GUCY1A2: variants seen among roughly 807,000 people sequenced by gnomAD.
GUCY1A2 encodes guanylate cyclase soluble subunit alpha-2.
Under a neutral mutation model 63.5 loss-of-function variants are expected in GUCY1A2, and 27 were observed. The ratio of observed to expected loss-of-function variants is 0.43; its 90% CI spans 0.31 to 0.59. The LOEUF (loss-of-function observed/expected upper bound fraction) is 0.59, where lower values mean the gene tolerates loss of function less well. Ranked by LOEUF, GUCY1A2 falls within the 20% of genes least tolerant of loss-of-function variation. GUCY1A2 has a pLI of 0.11. For synonymous variants in GUCY1A2, 364 were observed against 343.5 expected (o/e 1.06, Z -0.66); for missense variants, 768 against 913.3 (o/e 0.84, Z 2.05).
rs139118381 is a variant in GUCY1A2, at chr11:106,823,096, G to GA, written c.1207-12619dup. Among the ~76,000 whole-genome samples, 829 of 150,912 alleles carry GA rather than the reference G, an allele frequency of 5.5e-3. 2 individuals are homozygous for GA. Among genetic ancestry groups the GA allele is most frequent in the South Asian group, 0.012 (57 of 4,774 alleles). ...TAAAAACAATCACTTATTTTCTTCTGAAAAAAAAATGTAGATTCAGGGGGA... is the reference window on the plus strand; with the variant it reads ...TAAAAACAATCACTTATTTTCTTCTGAAAAAAAAAATGTAGATTCAGGGGGA... On this transcript the variant is annotated intron_variant, in intron 4 of 7. Transcript: ENST00000526355.
intron 1 of GUCY1A2, among the ~76,000 whole-genome samples, chr11:106,998,727 G>A (rs1861572919): frequency 6.6e-6 from 1 of 151,438 alleles, no homozygotes; most frequent in Admixed American, 6.6e-5. Context: ...TAAAACATAA[G>A]GACAACATCA....
rs953710775 is a variant in GUCY1A2 at position 106,826,684 on chromosome 11, C to T, written c.1207-16206G>A. ...TGTCACATGAGCAAACAGTTCAAAG[C>T]TGAAATCCATGTCAATAGAGTCTCC... On this transcript the variant is annotated intron_variant, in intron 4 of 7. Coordinates refer to ENST00000526355, the MANE Select transcript of GUCY1A2 (RefSeq NM_000855.3). The T allele has an allele frequency of 7.5e-6, 12 of 1,609,304 alleles. No homozygotes were observed. The African/African-American group carries it at 1.3e-4, about 18-fold the overall frequency.
chr11:106,751,419 G>T (rs1365313795), intron 6 of GUCY1A2, among the ~76,000 whole-genome samples: 1 of 151,968 alleles, frequency 6.6e-6, no homozygotes, highest in Non-Finnish European at 1.5e-5. Flanking sequence ...ATTCTCCTGT[G>T]GTTACTATCA....
intron 3 of GUCY1A2, among the ~76,000 whole-genome samples, chr11:106,977,926 AT>A (rs1308131058): frequency 6.6e-6 from 1 of 152,094 alleles, no homozygotes; most frequent in East Asian, 1.9e-4. Context: ...AGGAAAAAAA[AT>A]ATTTCTTTTA....
chr11:106,952,243 A>G (rs1315394102), intron 3 of GUCY1A2, among the ~76,000 whole-genome samples: 2 of 152,124 alleles, frequency 1.3e-5, no homozygotes, highest in Non-Finnish European at 2.9e-5. Flanking sequence ...TTCCATATGA[A>G]ATTTAAAATA....
At chr11:106,758,499 A>G (rs890840424) in intron 6 of GUCY1A2, among the ~76,000 whole-genome samples, 1 of 152,120 alleles carries the variant, frequency 6.6e-6, no homozygotes, top group Non-Finnish European at 1.5e-5. Context: ...CGCCCTCCAT[A>G]GGCTGCACCC....
chr11:106,770,602 A>G (rs1864239028), intron 6 of GUCY1A2, among the ~76,000 whole-genome samples: 1 of 152,034 alleles, frequency 6.6e-6, no homozygotes, highest in South Asian at 2.1e-4. Context: ...AAAAATTATT[A>G]GAGAATAATT....
chr11:106,943,776 C>T (rs1017143583), intron 3 of GUCY1A2, among the ~76,000 whole-genome samples: 3 of 152,182 alleles, frequency 2.0e-5, no homozygotes, highest in Admixed American at 6.5e-5. Context: ...GACTTTCTCT[C>T]ATGGGCCCCT....
At chr11:106,807,572 C>A (rs751657647) in intron 5 of GUCY1A2, among the ~76,000 whole-genome samples, 1 of 152,144 alleles carries the variant, frequency 6.6e-6, no homozygotes, top group Non-Finnish European at 1.5e-5. Flanking sequence ...ATACACCTAT[C>A]CTAGATACAT....
At chr11:106,931,934 A>T (rs1235607849) in intron 4 of GUCY1A2, among the ~76,000 whole-genome samples, 1 of 152,144 alleles carries the variant, frequency 6.6e-6, no homozygotes, top group Non-Finnish European at 1.5e-5. Flanking sequence ...ACTAAAAATT[A>T]TTGCACTGTA....
chr11:106,942,320 C>G (rs1412865981), intron 3 of GUCY1A2, among the ~76,000 whole-genome samples: 1 of 152,138 alleles, frequency 6.6e-6, no homozygotes, highest in Non-Finnish European at 1.5e-5. Flanking sequence ...AACATTAATT[C>G]TCACTTCCTT....
intron 4 of GUCY1A2, among the ~76,000 whole-genome samples, chr11:106,839,272 G>T (rs920866837): frequency 2.0e-5 from 3 of 151,938 alleles, no homozygotes; most frequent in African/African-American, 7.2e-5. Flanking sequence ...GTTTGTCAAA[G>T]ATCAGATAGT....
chr11:106,954,123 T>C (rs1482763293), intron 3 of GUCY1A2, among the ~76,000 whole-genome samples: 1 of 152,196 alleles, frequency 6.6e-6, no homozygotes, highest in Non-Finnish European at 1.5e-5. Context: ...CAATTTGAGA[T>C]CTTTCTAGCT....
chr11:106,681,121 G>GT lies in GUCY1A2; in HGVS notation c.*6427dup, dbSNP rs930737380. ...CATTTCGAAATCTGAAAGCTTTAGT[G>GT]TTTTTTCAGTATTACTGAATAATCA... On this transcript the variant is annotated 3_prime_UTR_variant, in exon 8 of 8. Coordinates refer to ENST00000526355, the MANE Select transcript of GUCY1A2 (RefSeq NM_000855.3). The GT allele has an allele frequency of 2.4e-5, 5 of 211,026 alleles. No individual in the cohort carries two copies. Among genetic ancestry groups the GT allele is most frequent in the Admixed American group, 5.9e-5 (1 of 17,028 alleles). 13.1% of individuals were successfully genotyped at this position (211,026 alleles called of 1,614,324 possible). A position where few individuals can be genotyped will look rare whatever the true frequency, so the allele number is the denominator to read the frequency against.
intron 4 of GUCY1A2, chr11:106,827,892 C>A (rs1000774172): frequency 6.5e-7 from 1 of 1,528,460 alleles, no homozygotes; most frequent in Non-Finnish European, 9.1e-7. Flanking sequence ...TGCCTTCATG[C>A]TGCCGGACTC....
At chr11:106,763,606 A>C (rs1356376830) in intron 6 of GUCY1A2, among the ~76,000 whole-genome samples, 1 of 152,116 alleles carries the variant, frequency 6.6e-6, no homozygotes, top group Non-Finnish European at 1.5e-5. Flanking sequence ...GAATCAGAAA[A>C]TCTGGGCGGT....
At chr11:106,878,074 A>C (rs1859774716) in intron 4 of GUCY1A2, among the ~76,000 whole-genome samples, 1 of 152,146 alleles carries the variant, frequency 6.6e-6, no homozygotes, top group Non-Finnish European at 1.5e-5. Flanking sequence ...CAAAACCACA[A>C]TGAAATATCA....
chr11:107,002,700 T>C (rs1260745764), intron 1 of GUCY1A2, among the ~76,000 whole-genome samples: 1 of 152,164 alleles, frequency 6.6e-6, no homozygotes, highest in Non-Finnish European at 1.5e-5. Context: ...TTAGTGACAT[T>C]TCATACCTGA....
chr11:106,940,941 T>G (rs1283240819), intron 3 of GUCY1A2, among the ~76,000 whole-genome samples: 1 of 152,172 alleles, frequency 6.6e-6, no homozygotes, highest in East Asian at 1.9e-4. Context: ...ATGCATGTAT[T>G]AAGTGGAAAA....
Sources: allele counts gnomAD v4.1 joint callset (sites outside exome capture counted in the v4.1 genomes callset), GRCh38; gene constraint gnomAD v4.1.1; transcripts MANE v1.5; gene names NCBI Gene and HGNC (gene_info 2026-07-23, HGNC 2026-07-21).